The following TGFB2 variants were observed in gnomAD, a reference collection of about 807,000 sequenced individuals.
The protein encoded by TGFB2 is transforming growth factor beta-2 proprotein.
In TGFB2, 13 loss-of-function variants were observed where a neutral mutation model predicts 42.7. That is an observed-to-expected ratio of 0.30 (90% CI 0.20 to 0.48). The LOEUF is 0.48. Ranked by LOEUF, TGFB2 falls within the 20% of genes least tolerant of loss-of-function variation. TGFB2 has a pLI of 0.99. For missense variants in TGFB2, 390 were observed against 517.5 expected (o/e 0.75, Z 2.39); for synonymous variants, 193 against 193.6 (o/e 1.00, Z 0.03).
intron 1 of TGFB2, among the ~76,000 whole-genome samples, chr1:218,398,625 G>A (rs531480695): frequency 2.0e-4 from 30 of 150,856 alleles, no homozygotes; most frequent in South Asian, 6.3e-4. Flanking sequence ...GTCTTTCTCC[G>A]TCACCAGGCT....
At chr1:218,404,782 A>G (rs764668574) in intron 1 of TGFB2, among the ~76,000 whole-genome samples, 7 of 152,216 alleles carry the variant, frequency 4.6e-5, no homozygotes, top group Non-Finnish European at 1.0e-4. Context: ...GCCATTAGGA[A>G]CTATTTTCTT....
chr1:218,375,159 C>CT (rs750638540), intron 1 of TGFB2, among the ~76,000 whole-genome samples: 8 of 152,114 alleles, frequency 5.3e-5, no homozygotes, highest in Non-Finnish European at 1.2e-4. Context: ...CTCTATGTTT[C>CT]TTTTGCTTTG....
At chr1:218,350,442 C>A (rs1394318937) in intron 1 of TGFB2, among the ~76,000 whole-genome samples, 1 of 152,336 alleles carries the variant, frequency 6.6e-6, no homozygotes, top group East Asian at 1.9e-4. Flanking sequence ...ATGCATAGGG[C>A]AACCCCCCAT....
intron 2 of TGFB2, among the ~76,000 whole-genome samples, chr1:218,406,445 A>G (rs1658914263): frequency 6.6e-6 from 1 of 152,176 alleles, no homozygotes; most frequent in South Asian, 2.1e-4. Context: ...GCCCCACCCT[A>G]GACTTTACAG....
chr1:218,385,429 G>A (rs1478779090), intron 1 of TGFB2, among the ~76,000 whole-genome samples: 1 of 152,222 alleles, frequency 6.6e-6, no homozygotes, highest in Non-Finnish European at 1.5e-5. Context: ...AGAGCACAGA[G>A]GTTTTGGGCC....
chr1:218,379,235 C>T (rs1232806629), intron 1 of TGFB2, among the ~76,000 whole-genome samples: 1 of 151,432 alleles, frequency 6.6e-6, no homozygotes, highest in African/African-American at 2.4e-5. Context: ...CGGGTTCACG[C>T]CATTCTCCTG....
At chr1:218,433,706 A>G (rs1659880324) in intron 2 of TGFB2, among the ~76,000 whole-genome samples, 1 of 152,094 alleles carries the variant, frequency 6.6e-6, no homozygotes, top group Admixed American at 6.6e-5. Flanking sequence ...CTGTACCCCA[A>G]CTCCCCAAAT....
chr1:218,363,386 C>T (rs1340535859), intron 1 of TGFB2: 9 of 1,613,982 alleles, frequency 5.6e-6, no homozygotes, highest in Non-Finnish European at 6.8e-6. Flanking sequence ...GCTTGTGCTC[C>T]AGACAGTCCC....
At chr1:218,408,124 G>C (rs1457892075) in intron 2 of TGFB2, among the ~76,000 whole-genome samples, 1 of 152,170 alleles carries the variant, frequency 6.6e-6, no homozygotes, top group African/African-American at 2.4e-5. Context: ...TGGAGGCAGG[G>C]TCACCTAGGT....
At chr1:218,384,480 T>TGTC (rs1244612762) in intron 1 of TGFB2, among the ~76,000 whole-genome samples, 2 of 152,274 alleles carry the variant, frequency 1.3e-5, no homozygotes, top group African/African-American at 4.8e-5. Context: ...GCTCTGGCTG[T>TGTC]ACCACTTATT....
chr1:218,435,666 C>T (rs992704764), intron 4 of TGFB2, among the ~76,000 whole-genome samples: 1 of 152,192 alleles, frequency 6.6e-6, no homozygotes, highest in Non-Finnish European at 1.5e-5. Flanking sequence ...AATAAACTGC[C>T]TAGATTGCCC....
In TGFB2 at chr1:218,345,424, AAGAGAAAG is replaced by A. The variant is rs796274385; in HGVS notation, c.-1266_-1259del. The A allele has an allele frequency of 2.0e-5, 3 of 152,638 alleles. No homozygotes were observed. Among genetic ancestry groups the A allele is most frequent in the African/African-American group, 7.2e-5 (3 of 41,594 alleles). 9.5% of individuals were successfully genotyped at this position (152,638 alleles called of 1,614,324 possible). On this transcript the variant is annotated 5_prime_UTR_variant, in exon 1 of 7. Coordinates refer to ENST00000366930, the MANE Select transcript of TGFB2 (RefSeq NM_003238.6). Reference sequence around the variant, plus strand: ...AAAGACAGATTGAGATAGAGATAGAAAGAGAAAGAGAGAAAGAGACAGCAGAGCGAGAG... The same window carrying A: ...AAAGACAGATTGAGATAGAGATAGAAAGAGAAAGAGACAGCAGAGCGAGAG...
intron 1 of TGFB2, among the ~76,000 whole-genome samples, chr1:218,374,506 T>C (rs1344846476): frequency 6.6e-6 from 1 of 152,174 alleles, no homozygotes; most frequent in Non-Finnish European, 1.5e-5. Flanking sequence ...GCTGACCAAC[T>C]CCTAATTGCC....
chr1:218,363,230 A>G (rs1657276235), intron 1 of TGFB2: 1 of 970,106 alleles, frequency 1.0e-6, no homozygotes. Context: ...GGAAATGATA[A>G]GAACATTCAA....
rs148172342 is a variant in TGFB2, at chr1:218,364,873, A to G, written c.346+17826A>G. Among the ~76,000 whole-genome samples the G allele has an allele frequency of 6.7e-4, 102 of 152,324 alleles. 1 individual carries two copies. In the East Asian group the frequency reaches 8.7e-3, roughly 13 times the overall value. On this transcript the variant is annotated intron_variant, in intron 1 of 6. Transcript: ENST00000366930. Reference sequence around the variant, plus strand: ...CCTTTAAAGCTCCCGTTTGTGAGTCATTACGTTTTGTTTTTATACTCTAAA... The same window carrying G: ...CCTTTAAAGCTCCCGTTTGTGAGTCGTTACGTTTTGTTTTTATACTCTAAA...
intron 2 of TGFB2, among the ~76,000 whole-genome samples, chr1:218,407,904 G>A (rs1571877584): frequency 3.9e-5 from 6 of 152,066 alleles, no homozygotes; most frequent in African/African-American, 1.2e-4. Context: ...TGGAGGGGAA[G>A]CAAAAACTGG....
At chr1:218,416,193 C>G (rs866962790) in intron 2 of TGFB2, among the ~76,000 whole-genome samples, 6 of 152,018 alleles carry the variant, frequency 3.9e-5, no homozygotes, top group African/African-American at 1.4e-4. Flanking sequence ...ATAGGGGTGT[C>G]TTTTTATCTC....
At chr1:218,370,976 G>A (rs1321923316) in intron 1 of TGFB2, among the ~76,000 whole-genome samples, 3 of 151,660 alleles carry the variant, frequency 2.0e-5, no homozygotes, top group Admixed American at 6.6e-5. Context: ...TGGAGGAGTT[G>A]GGGAACAGGG....
intron 1 of TGFB2, among the ~76,000 whole-genome samples, chr1:218,363,755 C>G (rs1428703865): frequency 3.3e-5 from 5 of 152,126 alleles, no homozygotes; most frequent in Admixed American, 2.0e-4. Flanking sequence ...GACAGCATGG[C>G]CTGAATGTCA....
Sources: gnomAD v4.1 joint callset for allele counts (sites outside exome capture counted in the v4.1 genomes callset) on GRCh38, gnomAD v4.1.1 for gene constraint, MANE v1.5 for transcripts, NCBI Gene and HGNC (gene_info 2026-07-23, HGNC 2026-07-21) for gene names.